TBL1XR1: variants seen among roughly 807,000 people sequenced by gnomAD.
The protein encoded by TBL1XR1 is F-box-like/WD repeat-containing protein TBL1XR1.
TBL1XR1 carries 5 observed loss-of-function variants against 66.9 expected under a neutral mutation model. That is an observed-to-expected ratio of 0.07 (90% CI 0.04 to 0.16). The LOEUF (loss-of-function observed/expected upper bound fraction) is 0.16. Ranked by LOEUF, TBL1XR1 falls within the 10% of genes least tolerant of loss-of-function variation. The pLI is 1.00. For synonymous variants in TBL1XR1, 210 were observed against 206.0 expected, an observed-to-expected ratio of 1.02 and a Z score of -0.17; for missense variants, 238 against 623.2, an observed-to-expected ratio of 0.38 and a Z score of 6.58.
chr3:177,120,225 C>A (rs1271778416), intron 1 of TBL1XR1, among the ~76,000 whole-genome samples: 7 of 151,924 alleles, frequency 4.6e-5, no homozygotes, highest in Admixed American at 4.6e-4. Flanking sequence ...ATGGCTTTCC[C>A]TTTTCCTCTT....
intron 1 of TBL1XR1, among the ~76,000 whole-genome samples, chr3:177,130,436 G>T (rs1447303842): frequency 6.6e-6 from 1 of 152,098 alleles, no homozygotes; most frequent in African/African-American, 2.4e-5. Flanking sequence ...TGATCACCAG[G>T]AAAGACAGTT....
intron 1 of TBL1XR1, among the ~76,000 whole-genome samples, chr3:177,139,592 TAACTA>T (rs1440915619): frequency 6.7e-6 from 1 of 148,380 alleles, no homozygotes; most frequent in East Asian, 2.0e-4. Flanking sequence ...AAATGGGACA[TAACTA>T]AACACCAAAT....
At chr3:177,146,135 T>A (rs777722501) in intron 1 of TBL1XR1, among the ~76,000 whole-genome samples, 1 of 152,172 alleles carries the variant, frequency 6.6e-6, no homozygotes, top group Non-Finnish European at 1.5e-5. Context: ...TCTGCTTAGT[T>A]CAGTACCTGA....
At chr3:177,072,977 T>C (rs1321110765) in intron 2 of TBL1XR1, among the ~76,000 whole-genome samples, 1 of 151,900 alleles carries the variant, frequency 6.6e-6, no homozygotes, top group Non-Finnish European at 1.5e-5. Context: ...GGCAGGAGAA[T>C]CGCTTGAACC....
chr3:177,065,441 T>C (rs1358661208), intron 2 of TBL1XR1, among the ~76,000 whole-genome samples: 2 of 152,178 alleles, frequency 1.3e-5, no homozygotes, highest in South Asian at 2.1e-4. Flanking sequence ...TTGGGTGGGG[T>C]AGAACCATGA....
chr3:177,144,685 G>A (rs1015623878), intron 1 of TBL1XR1, among the ~76,000 whole-genome samples: 7 of 151,838 alleles, frequency 4.6e-5, no homozygotes, highest in East Asian at 1.9e-4. Flanking sequence ...CCCAGGAGGC[G>A]GAGCTTGCAG....
intron 1 of TBL1XR1, among the ~76,000 whole-genome samples, chr3:177,135,377 A>ATATATATATG (rs1728866793): frequency 2.0e-4 from 6 of 30,192 alleles, no homozygotes; most frequent in Non-Finnish European, 2.7e-4. Flanking sequence ...ATATATATAT[A>ATATATATATG]TATATGTATG....
chr3:177,134,188 G>GT (rs1413014707), intron 1 of TBL1XR1, among the ~76,000 whole-genome samples: 1 of 152,102 alleles, frequency 6.6e-6, no homozygotes, highest in Non-Finnish European at 1.5e-5. Flanking sequence ...CTTTATTCCT[G>GT]TTTTTGTTAA....
At chr3:177,053,545 T>G (rs1445857980) in intron 4 of TBL1XR1, among the ~76,000 whole-genome samples, 1 of 152,180 alleles carries the variant, frequency 6.6e-6, no homozygotes. Flanking sequence ...TTTATTAGTG[T>G]TTACTTACAC....
intron 2 of TBL1XR1, chr3:177,087,050 T>G (rs1040243049): frequency 1.4e-5 from 2 of 142,738 alleles, no homozygotes; most frequent in African/African-American, 5.3e-5. Flanking sequence ...GTCTGAGGGG[T>G]GGGAGAGGTA....
At chr3:177,180,747 T>A (rs942206741) in intron 1 of TBL1XR1, among the ~76,000 whole-genome samples, 1 of 152,012 alleles carries the variant, frequency 6.6e-6, no homozygotes, top group African/African-American at 2.4e-5. Flanking sequence ...GGAATTTTTT[T>A]TTTTTTGAGA....
chr3:177,195,299 GC>G (rs1171216522), intron 1 of TBL1XR1, among the ~76,000 whole-genome samples: 1 of 151,798 alleles, frequency 6.6e-6, no homozygotes, highest in Non-Finnish European at 1.5e-5. Flanking sequence ...TCTTCCTGCA[GC>G]CCCTCCCCCA....
At chr3:177,067,599 A>C (rs1437785406) in intron 2 of TBL1XR1, among the ~76,000 whole-genome samples, 1 of 152,264 alleles carries the variant, frequency 6.6e-6, no homozygotes, top group Non-Finnish European at 1.5e-5. Flanking sequence ...TTTTTAAGTC[A>C]TAATAAAAAA....
intron 1 of TBL1XR1, among the ~76,000 whole-genome samples, chr3:177,109,217 A>C (rs750662248): frequency 2.6e-5 from 4 of 152,188 alleles, no homozygotes; most frequent in Non-Finnish European, 5.9e-5. Context: ...ACCTTTTCCC[A>C]ATTTTTTAAT....
intron 2 of TBL1XR1, among the ~76,000 whole-genome samples, chr3:177,071,247 G>A (rs963542930): frequency 6.6e-6 from 1 of 152,058 alleles, no homozygotes; most frequent in Admixed American, 6.6e-5. Flanking sequence ...ATCTCAAAGA[G>A]TGGAACACAT....
At chr3:177,138,067 G>T (rs1367084016) in intron 1 of TBL1XR1, among the ~76,000 whole-genome samples, 1 of 152,148 alleles carries the variant, frequency 6.6e-6, no homozygotes, top group Non-Finnish European at 1.5e-5. Context: ...AAGTAAAACA[G>T]ACTGACAAAA....
At chr3:177,092,914 A>G (rs551071458) in intron 2 of TBL1XR1, among the ~76,000 whole-genome samples, 19 of 152,088 alleles carry the variant, frequency 1.2e-4, no homozygotes, top group Admixed American at 2.6e-4. Flanking sequence ...TGGATAAAGA[A>G]TATGTGGTAT....
At chr3:177,134,239 T>C (rs1728643169) in intron 1 of TBL1XR1, among the ~76,000 whole-genome samples, 1 of 152,188 alleles carries the variant, frequency 6.6e-6, no homozygotes, top group Non-Finnish European at 1.5e-5. Context: ...TTGCTTCAGA[T>C]AACTAGACTG....
chr3:177,158,253 A>C (rs1432194232), intron 1 of TBL1XR1, among the ~76,000 whole-genome samples: 5 of 144,548 alleles, frequency 3.5e-5, no homozygotes, highest in Admixed American at 1.4e-4. Flanking sequence ...TTTTTAAGAC[A>C]GTCTTGCTCA....
Sources: gnomAD v4.1 joint callset for allele counts (sites outside exome capture counted in the v4.1 genomes callset) on GRCh38, gnomAD v4.1.1 for gene constraint, MANE v1.5 for transcripts, NCBI Gene and HGNC (gene_info 2026-07-23, HGNC 2026-07-21) for gene names.